MEIS1: variants seen among roughly 807,000 people sequenced by gnomAD.
MEIS1 encodes Meis homeobox 1.
A neutral mutation model predicts 50.8 loss-of-function variants in MEIS1; 5 were observed. That is an observed-to-expected ratio of 0.10 (90% confidence interval 0.05 to 0.21). The LOEUF (loss-of-function observed/expected upper bound fraction) is 0.21. Among genes scored for constraint, MEIS1 ranks in the 10% least tolerant of loss-of-function variants. MEIS1 has a pLI of 1.00. For missense variants in MEIS1, 318 were observed against 517.3 expected (o/e 0.61, Z 3.74); for synonymous variants, 176 against 179.3 (o/e 0.98, Z 0.15).
intron 7 of MEIS1, among the ~76,000 whole-genome samples, chr2:66,491,424 A>G (rs60912182): frequency 0.059 from 8,956 of 152,296 alleles, 874 homozygotes; most frequent in African/African-American, 0.2. Flanking sequence ...TAATGTCAGT[A>G]TATCTGAAAA....
At chr2:66,435,924 C>G (rs1370533561) in intron 1 of MEIS1, 56 bp downstream of exon 1, 18 of 1,477,888 alleles carry the variant, frequency 1.2e-5, no homozygotes, top group Non-Finnish European at 1.6e-5. Flanking sequence ...TGAAACGTGG[C>G]CGAAAGACAC....
intron 9 of MEIS1, among the ~76,000 whole-genome samples, chr2:66,567,186 A>T (rs962547233): frequency 1.3e-5 from 2 of 152,132 alleles, no homozygotes; most frequent in African/African-American, 4.8e-5. Context: ...TAATTCCCCC[A>T]TGAAAAGATG....
At chr2:66,492,110 T>A (rs1673288585) in intron 7 of MEIS1, among the ~76,000 whole-genome samples, 1 of 149,276 alleles carries the variant, frequency 6.7e-6, no homozygotes, top group South Asian at 2.3e-4. Flanking sequence ...TGTGTGGGTG[T>A]GAGCGAGGAA....
intron 1 of MEIS1, among the ~76,000 whole-genome samples, chr2:66,437,169 G>A (rs1671816095): frequency 6.6e-6 from 1 of 152,110 alleles, no homozygotes; most frequent in East Asian, 1.9e-4. Flanking sequence ...GTTTGTCTTG[G>A]AAAGCAAAAG....
chr2:66,481,188 A>C (rs1673007074), intron 7 of MEIS1, among the ~76,000 whole-genome samples: 1 of 152,158 alleles, frequency 6.6e-6, no homozygotes, highest in African/African-American at 2.4e-5. Context: ...AGTGGAAGGC[A>C]GGGTATCCTA....
chr2:66,520,417 C>T (rs1674087518), intron 8 of MEIS1, among the ~76,000 whole-genome samples: 1 of 151,260 alleles, frequency 6.6e-6, no homozygotes, highest in African/African-American at 2.4e-5. Context: ...GGAGGTGGAG[C>T]TTGCAGTGAG....
At chr2:66,522,202 T>G (rs1674140577) in intron 8 of MEIS1, among the ~76,000 whole-genome samples, 1 of 152,222 alleles carries the variant, frequency 6.6e-6, no homozygotes. Context: ...ATCAAAGGGC[T>G]TAGCATCATT....
chr2:66,454,931 A>C (rs1448716902), intron 6 of MEIS1: 1 of 152,196 alleles, frequency 6.6e-6, no homozygotes. Context: ...CTTATTTGGA[A>C]ATATAGTGGT....
chr2:66,439,247 G>A (rs1402950619), intron 2 of MEIS1: 2 of 1,038,766 alleles, frequency 1.9e-6, no homozygotes, highest in African/African-American at 3.4e-5. Flanking sequence ...GAAGGGAGGG[G>A]AATGTGCGTG....
chr2:66,525,548 G>T (rs1674228790), intron 8 of MEIS1, among the ~76,000 whole-genome samples: 2 of 152,168 alleles, frequency 1.3e-5, no homozygotes. Flanking sequence ...TTGACAAAAT[G>T]TTTTATTTTT....
intron 7 of MEIS1, among the ~76,000 whole-genome samples, chr2:66,491,292 T>C (rs1341602491): frequency 6.6e-6 from 1 of 152,232 alleles, no homozygotes; most frequent in Non-Finnish European, 1.5e-5. Flanking sequence ...CCTTTGGCTG[T>C]ATTTGGTTTC....
At chr2:66,509,001 TG>T (rs1233868293) in intron 7 of MEIS1, 1 of 471,050 alleles carries the variant, frequency 2.1e-6, no homozygotes, top group African/African-American at 2.0e-5. Context: ...CCTGCTGCCG[TG>T]TGGTCGGCCG....
intron 7 of MEIS1, among the ~76,000 whole-genome samples, chr2:66,502,828 A>G (rs1673589049): frequency 1.3e-5 from 2 of 152,080 alleles, no homozygotes; most frequent in Non-Finnish European, 2.9e-5. Flanking sequence ...TATGAGAAGA[A>G]ACTCTTCTTC....
intron 8 of MEIS1, among the ~76,000 whole-genome samples, chr2:66,522,317 C>A (rs1047675158): frequency 6.6e-6 from 1 of 152,120 alleles, no homozygotes; most frequent in Non-Finnish European, 1.5e-5. Flanking sequence ...TCTGTTACTA[C>A]GTGCCCATGT....
intron 6 of MEIS1, among the ~76,000 whole-genome samples, chr2:66,463,772 TG>T (rs1414297957): frequency 3.3e-5 from 5 of 152,222 alleles, no homozygotes; most frequent in African/African-American, 1.2e-4. Context: ...CAGACTGTTG[TG>T]CCAGAGGGTT....
intron 8 of MEIS1, among the ~76,000 whole-genome samples, chr2:66,546,964 A>C (rs909719132): frequency 6.6e-6 from 1 of 152,142 alleles, no homozygotes; most frequent in Non-Finnish European, 1.5e-5. Context: ...AGTTAAATTA[A>C]GGGTTGGGGG....
intron 6 of MEIS1, among the ~76,000 whole-genome samples, chr2:66,449,386 C>T (rs879327821): frequency 2.0e-5 from 3 of 152,002 alleles, no homozygotes; most frequent in African/African-American, 4.8e-5. Context: ...TTAATGTATA[C>T]GAATAAACCA....
intron 7 of MEIS1, among the ~76,000 whole-genome samples, chr2:66,466,827 C>T (rs558268007): frequency 3.3e-5 from 5 of 152,228 alleles, no homozygotes; most frequent in African/African-American, 9.6e-5. Flanking sequence ...GGTGTTTCCC[C>T]CACAGACAGG....
chr2:66,481,850 C>CTTTTT (rs996753363), intron 7 of MEIS1, among the ~76,000 whole-genome samples: 27 of 90,176 alleles, frequency 3.0e-4, no homozygotes, highest in South Asian at 4.0e-4. Flanking sequence ...TCTGATATTT[C>CTTTTT]TTTTTTTTTT....
Sources: allele counts gnomAD v4.1 joint callset (sites outside exome capture counted in the v4.1 genomes callset), GRCh38; gene constraint gnomAD v4.1.1; transcripts MANE v1.5; gene names NCBI Gene and HGNC (gene_info 2026-07-23, HGNC 2026-07-21).